Variants in ABAT observed in about 807,000 individuals in gnomAD.
The protein encoded by ABAT is 4-aminobutyrate aminotransferase, also known as 4-aminobutyrate aminotransferase, mitochondrial.
ABAT carries 45 observed loss-of-function variants against 64.6 expected under a neutral mutation model. The ratio of observed to expected loss-of-function variants is 0.70; its 90% CI spans 0.55 to 0.89. The LOEUF is 0.89. Ranked by LOEUF, ABAT falls within the 40% of genes least tolerant of loss-of-function variation. The pLI is 0.00. For synonymous variants in ABAT, 297 were observed against 250.5 expected, an observed-to-expected ratio of 1.19 and a Z score of -1.75; for missense variants, 633 against 658.4, an observed-to-expected ratio of 0.96 and a Z score of 0.42.
intron 1 of ABAT, among the ~76,000 whole-genome samples, chr16:8,724,754 A>C (rs1402844767): frequency 1.4e-5 from 2 of 142,022 alleles, no homozygotes; most frequent in African/African-American, 5.4e-5. Flanking sequence ...AACAAAAAAA[A>C]AAAAAAAAAA....
At chr16:8,755,585 G>C (rs1045347401) in intron 5 of ABAT, among the ~76,000 whole-genome samples, 2 of 152,126 alleles carry the variant, frequency 1.3e-5, no homozygotes, top group African/African-American at 4.8e-5. Flanking sequence ...GACCTGCAGG[G>C]CAGGTGCATT....
At chr16:8,680,914 CT>C (rs902644114) in intron 1 of ABAT, among the ~76,000 whole-genome samples, 3 of 151,804 alleles carry the variant, frequency 2.0e-5, no homozygotes, top group African/African-American at 7.3e-5. Flanking sequence ...ATTGAGTTGT[CT>C]TTTTGTCTTT....
intron 1 of ABAT, among the ~76,000 whole-genome samples, chr16:8,733,630 G>C (rs539956824): frequency 7.2e-5 from 11 of 151,928 alleles, no homozygotes; most frequent in Admixed American, 6.5e-4. Context: ...AGGGGCTGGA[G>C]ACCGGCCTGG....
intron 1 of ABAT, chr16:8,715,261 T>C (rs1430024927): frequency 6.6e-6 from 1 of 152,058 alleles, no homozygotes; most frequent in African/African-American, 2.4e-5. Context: ...TAAAAGAGAT[T>C]AAAGAGCCAT....
intron 6 of ABAT, among the ~76,000 whole-genome samples, chr16:8,758,637 C>T (rs1295768858): frequency 3.3e-5 from 5 of 152,128 alleles, no homozygotes. Context: ...CAGGACTCTA[C>T]CCACTAAATG....
chr16:8,766,723 C>G (rs996107584), intron 9 of ABAT, among the ~76,000 whole-genome samples: 12 of 152,034 alleles, frequency 7.9e-5, no homozygotes, highest in African/African-American at 2.9e-4. Context: ...AATCCCAGCA[C>G]TTTGGGAGGC....
chr16:8,771,799 T>G (rs1310482049), intron 11 of ABAT, among the ~76,000 whole-genome samples: 2 of 151,852 alleles, frequency 1.3e-5, no homozygotes, highest in African/African-American at 2.4e-5. Flanking sequence ...AGGATCTTGC[T>G]GTGTTGCACA....
intron 5 of ABAT, among the ~76,000 whole-genome samples, chr16:8,755,222 G>T (rs1473288493): frequency 6.6e-6 from 1 of 152,074 alleles, no homozygotes; most frequent in Non-Finnish European, 1.5e-5. Context: ...CCTGAGGTGG[G>T]TCTCCTACGC....
At chr16:8,729,978 G>A (rs2058672397) in intron 1 of ABAT, among the ~76,000 whole-genome samples, 1 of 152,154 alleles carries the variant, frequency 6.6e-6, no homozygotes, top group African/African-American at 2.4e-5. Context: ...TATCTGAGAA[G>A]GGGGAGGAAG....
intron 1 of ABAT, among the ~76,000 whole-genome samples, chr16:8,678,732 G>A (rs537979683): frequency 1.3e-5 from 2 of 152,250 alleles, no homozygotes; most frequent in South Asian, 2.1e-4. Flanking sequence ...GTATGGGAAG[G>A]GATTACAGTA....
chr16:8,715,817 G>T (rs12149463), intron 1 of ABAT, among the ~76,000 whole-genome samples: 13,373 of 152,106 alleles, frequency 0.088, 727 homozygotes, highest in Middle Eastern at 0.15. Context: ...GAGTGACTTT[G>T]TATCTCAGAT....
intron 1 of ABAT, among the ~76,000 whole-genome samples, chr16:8,686,630 C>G (rs774795054): frequency 1.3e-5 from 2 of 152,180 alleles, no homozygotes; most frequent in Non-Finnish European, 2.9e-5. Flanking sequence ...GGATGACTGA[C>G]TCGCCCAGGG....
intron 1 of ABAT, among the ~76,000 whole-genome samples, chr16:8,720,486 G>T (rs148178081): frequency 1.2e-4 from 19 of 152,370 alleles, no homozygotes; most frequent in African/African-American, 4.3e-4. Flanking sequence ...AGGAAGTCAT[G>T]CCTGCAGGGA....
chr16:8,741,540 A>G (rs922911351), intron 2 of ABAT, among the ~76,000 whole-genome samples: 11 of 152,282 alleles, frequency 7.2e-5, no homozygotes, highest in Admixed American at 3.9e-4. Flanking sequence ...AAGCCATGTA[A>G]ATTGCTCCAG....
Position 8,780,979 on chromosome 16 carries a change from T to C in ABAT, c.1382-330T>C, listed in dbSNP as rs549656633. ...ATGACTTTGTGGAAGGCAAGGACTT[T>C]ATCTCAGGATTTCTCTATCACCAGA... On this transcript the variant is annotated intron_variant, in intron 15 of 15. Transcript: ENST00000268251. Among the ~76,000 whole-genome samples the C allele has an allele frequency of 2.0e-5, 3 of 152,272 alleles. No homozygotes were observed. In the East Asian group the frequency reaches 5.8e-4, roughly 29 times the overall value.
At chr16:8,767,626 T>C (rs2059982259) in intron 9 of ABAT, among the ~76,000 whole-genome samples, 1 of 152,180 alleles carries the variant, frequency 6.6e-6, no homozygotes, top group Non-Finnish European at 1.5e-5. Context: ...AGTGCAGCAC[T>C]GGTGAGAAGC....
rs2060437989 is a variant in ABAT, at chr16:8,781,459, C to T, written c.*29C>T. 1 of 1,613,838 alleles carries T rather than the reference C, an allele frequency of 6.2e-7. No individual in the cohort carries two copies. The highest frequency in any genetic ancestry group is 8.5e-7 in the Non-Finnish European group (1 of 1,179,818). ...AGCCATTTCCACTACAGTGAGAAAG[C>T]CCGGATCCCAACAGTTGTCAAATTG... On this transcript the variant is annotated 3_prime_UTR_variant, in exon 16 of 16. Transcript: ENST00000268251. This position sits in a 1 kb window ranked among gnomAD's most constrained non-coding sequence, Gnocchi z 4.5.
At position 8,781,379 on chromosome 16, in the gene ABAT, C is replaced by T. The variant is rs61730647; in HGVS notation, c.1452C>T (p.His484=). ...CCACGCTGGTCTTCAGGGATCACCA[C>T]GCTCACCTGTTCCTCAATATTTTCA... is the stretch of plus-strand genomic sequence containing the variant. ...FRPTLVFRDH[H]AHLFLNIFSD... is the part of the protein sequence containing the mutation. The change falls in exon 16 of 16, where the codon CAC becomes CAT. Residue 484 remains histidine (H), a synonymous_variant. Coordinates refer to ENST00000268251, the MANE Select transcript of ABAT (RefSeq NM_020686.6). The surrounding 1 kb of genome is among the most constrained non-coding windows in gnomAD (Gnocchi z 4.5). 2.8e-3 allele frequency: 4,488 copies of T among 1,614,192 alleles called. 123 individuals are homozygous for T. The African/African-American group carries it at 0.053, about 19-fold the overall frequency.
intron 1 of ABAT, among the ~76,000 whole-genome samples, chr16:8,728,555 G>GA (rs66482875): frequency 6.6e-6 from 1 of 151,658 alleles, no homozygotes; most frequent in African/African-American, 2.4e-5. Context: ...TCCTGGAATA[G>GA]AAAAAAAAAA....
Sources: gnomAD v4.1 joint callset for allele counts (sites outside exome capture counted in the v4.1 genomes callset) on GRCh38, gnomAD v4.1.1 for gene constraint, Gnocchi (gnomAD v3.1) non-coding constraint, MANE v1.5 for transcripts, NCBI Gene and HGNC (gene_info 2026-07-23, HGNC 2026-07-21) for gene names.